SRGAP2C: variants seen among roughly 807,000 people sequenced by gnomAD.
SRGAP2C encodes the protein SLIT-ROBO Rho GTPase-activating protein 2C.
In SRGAP2C, 15 loss-of-function variants were observed where a neutral mutation model predicts 25.1. The ratio of observed to expected loss-of-function variants is 0.60; its 90% CI spans 0.40 to 0.92. The LOEUF (loss-of-function observed/expected upper bound fraction) is 0.92. Among genes scored for constraint, SRGAP2C ranks in the 40% least tolerant of loss-of-function variants. The probability of loss-of-function intolerance (pLI) is 0.00; values close to 1 mark genes in which losing one functional copy is unlikely to be tolerated. For missense variants in SRGAP2C, 144 were observed against 264.4 expected (o/e 0.54, Z 3.16); for synonymous variants, 44 against 96.6 (o/e 0.46, Z 3.19).
At chr1:121,366,914 C>T (rs1346161886) in intron 5 of SRGAP2C, among the ~76,000 whole-genome samples, 8 of 122,358 alleles carry the variant, frequency 6.5e-5, no homozygotes, top group East Asian at 3.0e-4. Context: ...ACCCAGGGTC[C>T]TATGTCTCTT....
intron 3 of SRGAP2C, among the ~76,000 whole-genome samples, chr1:121,322,112 G>T (rs1658223133): frequency 6.7e-6 from 1 of 149,534 alleles, no homozygotes; most frequent in South Asian, 2.1e-4. Flanking sequence ...TATGTAAAGT[G>T]CTATAGGGAA....
chr1:121,391,044 A>G lies in SRGAP2C; in HGVS notation c.*3189A>G. 1 of 137,414 alleles carries G rather than the reference A, an allele frequency of 7.3e-6. No individual in the cohort carries two copies. Among genetic ancestry groups the G allele is most frequent in the Non-Finnish European group, 1.6e-5 (1 of 63,488 alleles). The allele number at this position is 137,414 out of a possible 1,614,324, so 8.5% of individuals were successfully genotyped here. A position where few individuals can be genotyped will look rare whatever the true frequency, so the allele number is the denominator to read the frequency against. On this transcript the variant is annotated 3_prime_UTR_variant, in exon 10 of 10. Coordinates refer to ENST00000367123, the MANE Select transcript of SRGAP2C (RefSeq NM_001329984.2). The stretch of plus-strand genomic sequence containing the variant: ...TGACAGAGTAAGACTCTGCCTAAAA[A>G]AAAAAAAAGAAAGATTAAAAAATAA...
chr1:121,305,082 C>T (rs1657798572), intron 3 of SRGAP2C, among the ~76,000 whole-genome samples: 2 of 148,234 alleles, frequency 1.3e-5, no homozygotes, highest in South Asian at 4.3e-4. Flanking sequence ...TGGGCCAGCC[C>T]TGTCTCTAAG....
chr1:121,391,205 A>C lies in SRGAP2C; in HGVS notation c.*3350A>C, dbSNP rs11249357. 2.6e-5 allele frequency: 4 copies of C among 151,986 alleles called. No homozygotes were observed. Among genetic ancestry groups the C allele is most frequent in the Non-Finnish European group, 5.9e-5 (4 of 68,014 alleles). The allele number at this position is 151,986 out of a possible 1,614,324, so 9.4% of individuals were successfully genotyped here. The stretch of plus-strand genomic sequence containing the variant: ...GAAACCTCGTCTCTACTAAAAACAC[A>C]AAAAAATTAGCTGGGCGTGGTGGCG... On this transcript the variant is annotated 3_prime_UTR_variant, in exon 10 of 10. Coordinates refer to ENST00000367123, the MANE Select transcript of SRGAP2C (RefSeq NM_001329984.2).
chr1:121,262,988 AC>A (rs1301659197), intron 2 of SRGAP2C, among the ~76,000 whole-genome samples: 4 of 151,702 alleles, frequency 2.6e-5, no homozygotes, highest in African/African-American at 9.7e-5. Context: ...TGCCCAGGGA[AC>A]CTGGAGACCT....
In SRGAP2C at chr1:121,391,913, C is replaced by T. The variant is rs1660103652; in HGVS notation, c.*4058C>T. 1 of 152,314 alleles carries T rather than the reference C, an allele frequency of 6.6e-6. No individual in the cohort carries two copies. The highest frequency in any genetic ancestry group is 2.4e-5 in the African/African-American group (1 of 41,488). 9.4% of individuals were successfully genotyped at this position (152,314 alleles called of 1,614,324 possible). A position where few individuals can be genotyped will look rare whatever the true frequency, so the allele number is the denominator to read the frequency against. ...AACTTACCAGACAAAGACTTTAAAA[C>T]AACTCTCTTCATTATACTCAAATGT... On this transcript the variant is annotated 3_prime_UTR_variant, in exon 10 of 10. Coordinates refer to ENST00000367123, the MANE Select transcript of SRGAP2C (RefSeq NM_001329984.2).
chr1:121,355,023 G>A (rs868951718), intron 4 of SRGAP2C, among the ~76,000 whole-genome samples: 30,976 of 60,534 alleles, frequency 0.51, 7,778 homozygotes, highest in East Asian at 0.75. Flanking sequence ...GTGATAGAGC[G>A]AGACTCTGTC....
At chr1:121,323,548 G>A (rs1244531741) in intron 3 of SRGAP2C, among the ~76,000 whole-genome samples, 6 of 116,474 alleles carry the variant, frequency 5.2e-5, no homozygotes, top group Non-Finnish European at 5.2e-5. Flanking sequence ...AGCGGGAGGC[G>A]GAGGTTGCAG....
intron 4 of SRGAP2C, among the ~76,000 whole-genome samples, chr1:121,343,037 A>G (rs1399395626): frequency 3.3e-5 from 5 of 150,788 alleles, no homozygotes; most frequent in East Asian, 2.0e-4. Context: ...ATACTTCAGT[A>G]TCATTTTGAT....
chr1:121,346,909 A>G (rs1177129794), intron 4 of SRGAP2C, among the ~76,000 whole-genome samples: 1 of 152,012 alleles, frequency 6.6e-6, no homozygotes, highest in Non-Finnish European at 1.5e-5. Context: ...GGCCTGCCTC[A>G]TGCCCTCCTC....
At chr1:121,208,168 CT>C (rs1241277159) in intron 2 of SRGAP2C, among the ~76,000 whole-genome samples, 1 of 152,188 alleles carries the variant, frequency 6.6e-6, no homozygotes, top group Non-Finnish European at 1.5e-5. Flanking sequence ...ATTTTATTTG[CT>C]GCAACAGAAG....
rs1349769505 is a variant in SRGAP2C, at chr1:121,275,154, A to G, written c.68-9649A>G. 4.6e-5 allele frequency among the ~76,000 whole-genome samples: 6 copies of G among 130,036 alleles called. No homozygotes were observed. In the East Asian group the frequency reaches 1.5e-3, roughly 32 times the overall value. 85.3% of individuals were successfully genotyped at this position (130,036 alleles called of 152,430 possible). On this transcript the variant is annotated intron_variant, in intron 2 of 9. Transcript: ENST00000367123. The stretch of plus-strand genomic sequence containing the variant: ...TTAGGATGCCAGTCTTATACTCTTA[A>G]ATATTTTTGCATTTAGTCCTCCTTT...
chr1:121,302,665 GT>G (rs1423969319), intron 3 of SRGAP2C, among the ~76,000 whole-genome samples: 1 of 95,516 alleles, frequency 1.0e-5, no homozygotes, highest in Admixed American at 1.2e-4. Context: ...TTTACCAGTT[GT>G]TCTAAAAATG....
rs1187792932 is a variant in SRGAP2C, at chr1:121,191,225, A to G, written c.67+3712A>G. On this transcript the variant is annotated intron_variant, in intron 2 of 9. Transcript: ENST00000367123. Reference sequence around the variant, plus strand: ...GGACTACCCCCACTTCCCCCAGGATACCAAAATCTGCAGATGCTCAAGTCC... The same window carrying G: ...GGACTACCCCCACTTCCCCCAGGATGCCAAAATCTGCAGATGCTCAAGTCC... Among the ~76,000 whole-genome samples the G allele has an allele frequency of 7.9e-5, 12 of 152,178 alleles. No individual in the cohort carries two copies. In the South Asian group the frequency reaches 2.3e-3, roughly 29 times the overall value.
rs1553343139 is a variant in SRGAP2C at position 121,343,611 on chromosome 1, A to C, written c.423+18971A>C. ...CAGGATCCTGCTCTCTGAATCAGAG[A>C]TCTCTTAGTTGGAAAATCAGGCCTT... On this transcript the variant is annotated intron_variant, in intron 4 of 9. Transcript: ENST00000367123. 4.0e-4 allele frequency among the ~76,000 whole-genome samples: 43 copies of C among 106,174 alleles called. 3 individuals are homozygous for C. The highest frequency in any genetic ancestry group is 9.3e-4 in the Admixed American group (10 of 10,712). The allele number at this position is 106,174 out of a possible 152,430, so 69.7% of individuals were successfully genotyped here.
intron 3 of SRGAP2C, among the ~76,000 whole-genome samples, chr1:121,322,118 G>A (rs1246976816): frequency 2.7e-5 from 4 of 149,762 alleles, no homozygotes; most frequent in Admixed American, 2.6e-4. Flanking sequence ...AAGTGCTATA[G>A]GGAAAGAACC....
intron 2 of SRGAP2C, among the ~76,000 whole-genome samples, chr1:121,231,605 T>G (rs1306179357): frequency 3.3e-5 from 5 of 151,664 alleles, no homozygotes; most frequent in Admixed American, 3.3e-4. Context: ...GTACCACTCT[T>G]TAATCATAAA....
intron 3 of SRGAP2C, among the ~76,000 whole-genome samples, chr1:121,318,067 TCTTTGAAAGATAC>T (rs1368421264): frequency 1.4e-5 from 1 of 70,404 alleles, no homozygotes; most frequent in Non-Finnish European, 2.7e-5. Flanking sequence ...TGCCCGTCTG[TCTTTGAAAGATAC>T]CTTCAGGCTG....
chr1:121,315,540 T>C (rs1658078204), intron 3 of SRGAP2C, among the ~76,000 whole-genome samples: 1 of 151,596 alleles, frequency 6.6e-6, no homozygotes, highest in African/African-American at 2.4e-5. Context: ...GACTAGGGCT[T>C]CTCTTATACC....
Sources: gnomAD v4.1 joint callset for allele counts (sites outside exome capture counted in the v4.1 genomes callset) on GRCh38, gnomAD v4.1.1 for gene constraint, MANE v1.5 for transcripts, NCBI Gene and HGNC (gene_info 2026-07-23, HGNC 2026-07-21) for gene names.